The following GCC2 variants were observed in gnomAD, a reference collection of about 807,000 sequenced individuals.
GCC2 encodes the protein GRIP and coiled-coil domain containing 2.
In GCC2, 120 loss-of-function variants were observed where a neutral mutation model predicts 210.6. That is an observed-to-expected ratio of 0.57 (90% CI 0.49 to 0.66). The LOEUF is 0.66. Among genes scored for constraint, GCC2 ranks in the 30% least tolerant of loss-of-function variants. The probability of loss-of-function intolerance (pLI) is 0.00; values close to 1 mark genes in which losing one functional copy is unlikely to be tolerated. For missense variants in GCC2, 1,868 were observed against 1,871.9 expected, an observed-to-expected ratio of 1.00 and a Z score of 0.04; for synonymous variants, 703 against 652.7, an observed-to-expected ratio of 1.08 and a Z score of -1.17.
rs746930580 is a variant in GCC2 at position 108,469,669 on chromosome 2, G to A, written c.340G>A (p.Gly114Arg). 4.4e-6 allele frequency: 7 copies of A among 1,586,696 alleles called. No homozygotes were observed. Among genetic ancestry groups the A allele is most frequent in the Non-Finnish European group, 6.0e-6 (7 of 1,169,726 alleles). The change falls in exon 6 of 23, where the codon GGA becomes AGA. Residue 114 changes from glycine to arginine, a missense_variant. Physicochemically the swap from Gly to Arg is moderately radical, Grantham distance 125 (BLOSUM62 -2). Around this residue, in one of 3 missense-constraint regions of GCC2, gnomAD observed 1,847 missense variants for 1,765.2 expected, o/e 1.05. Transcript: ENST00000309863. Reference sequence around the variant, plus strand: ...GTAATAGGATTCTGTAACAAAGATGGGAGATGCACATAAGGAGTTGGAACA... The same window carrying A: ...GTAATAGGATTCTGTAACAAAGATGAGAGATGCACATAAGGAGTTGGAACA... ...QEVEDSVTKMGDAHKELEQSH... is the reference protein window; with the variant it reads ...QEVEDSVTKMRDAHKELEQSH...
At chr2:108,451,376 T>C (rs1160585241) in intron 3 of GCC2, among the ~76,000 whole-genome samples, 2 of 152,232 alleles carry the variant, frequency 1.3e-5, no homozygotes, top group African/African-American at 4.8e-5. Flanking sequence ...TAAGTGTGTT[T>C]TTCCTTCATG....
At chr2:108,489,481 C>T (rs1299350974) in intron 17 of GCC2, among the ~76,000 whole-genome samples, 1 of 151,596 alleles carries the variant, frequency 6.6e-6, no homozygotes, top group Non-Finnish European at 1.5e-5. Context: ...CGCCACTGCA[C>T]TCCAGCCTGG....
Position 108,470,678 on chromosome 2 carries a change from AAG to A in GCC2, c.1351_1352del (p.Glu451LysfsTer7). 6.2e-7 allele frequency: 1 copy of A among 1,610,632 alleles called. No homozygotes were observed. Among genetic ancestry groups the A allele is most frequent in the Non-Finnish European group, 8.5e-7 (1 of 1,178,492 alleles). On this transcript the variant is annotated frameshift_variant, in exon 6 of 23. Coordinates refer to ENST00000309863, the MANE Select transcript of GCC2 (RefSeq NM_181453.4). LOFTEE classifies it high-confidence loss of function. ...GAGACATTTTTGTCAGATTCAGAAA[AAG>A]AAAAATTAACATTAATGTTTGAAAT...
rs2104451130 is a variant in GCC2 at position 108,471,140 on chromosome 2, A to C, written c.1811A>C (p.Lys604Thr). Residue 604 changes from lysine to threonine, a missense_variant, in exon 6 of 23, where the codon AAA (lysine) becomes ACA (threonine). Physicochemically the swap from Lys to Thr is moderately conservative, Grantham distance 78. Transcript: ENST00000309863. ...EEKDDFINKL[K>T]NSHEEMDNFH... is the part of the protein sequence containing the mutation. ...AAAGATGATTTTATAAATAAACTGA[A>C]AAATTCCCATGAAGAAATGGATAAT... is the stretch of plus-strand genomic sequence containing the variant. 6.3e-7 allele frequency: 1 copy of C among 1,589,508 alleles called. No individual in the cohort carries two copies. The highest frequency in any genetic ancestry group is 2.2e-5 in the East Asian group (1 of 44,708).
Position 108,470,785 on chromosome 2 carries a change from AT to A in GCC2, c.1458del (p.Met487TrpfsTer15). On this transcript the variant is annotated frameshift_variant, in exon 6 of 23. Transcript: ENST00000309863. LOFTEE classifies it high-confidence loss of function. ...AILNYESLRE[I>X]MEILQTELGE... ...TTTAAATTATGAGAGTTTACGAGAGATTATGGAAATTTTACAAACAGAACTG... is the reference window on the plus strand; with the variant it reads ...TTTAAATTATGAGAGTTTACGAGAGATATGGAAATTTTACAAACAGAACTG... 6.2e-7 allele frequency: 1 copy of A among 1,613,824 alleles called. No individual in the cohort carries two copies. Among genetic ancestry groups the A allele is most frequent in the Non-Finnish European group, 8.5e-7 (1 of 1,179,866 alleles).
rs540050025 is a variant in GCC2, at chr2:108,503,452, T to TCTAA, written c.4984+3699_4984+3702dup. ...AAAAGAAAATTTCCTAGGTAAAAGG[T>TCTAA]CTAAGATGCAAGAAAGAAAGACATG... On this transcript the variant is annotated intron_variant, in intron 22 of 22. Coordinates refer to ENST00000309863, the MANE Select transcript of GCC2 (RefSeq NM_181453.4). Among the ~76,000 whole-genome samples, 3 of 152,248 alleles carry TCTAA rather than the reference T, an allele frequency of 2.0e-5. No homozygotes were observed. In the South Asian group the frequency reaches 6.2e-4, roughly 32 times the overall value.
chr2:108,481,504 C>G (rs1254640877), intron 9 of GCC2, among the ~76,000 whole-genome samples, 193 bp from the exon 10 acceptor site: 12 of 152,022 alleles, frequency 7.9e-5, no homozygotes, highest in Admixed American at 2.0e-4. Context: ...ATATTTCCCC[C>G]ACTCTCCAAT....
intron 12 of GCC2, among the ~76,000 whole-genome samples, chr2:108,483,882 G>A (rs537575859): frequency 3.3e-5 from 5 of 152,300 alleles, no homozygotes; most frequent in Non-Finnish European, 2.9e-5. Flanking sequence ...AGCTCCGCAA[G>A]CTACAGCTGC....
intron 22 of GCC2, among the ~76,000 whole-genome samples, chr2:108,505,694 G>A (rs1160341077): frequency 2.6e-5 from 4 of 151,810 alleles, no homozygotes; most frequent in Middle Eastern, 3.4e-3. Flanking sequence ...CTCCAGTCCA[G>A]CCTTCAGATG....
chr2:108,473,046 C>T (rs2104456482), intron 7 of GCC2, 147 bp downstream of exon 7: 2 of 512,226 alleles, frequency 3.9e-6, no homozygotes, highest in East Asian at 3.4e-5. Flanking sequence ...ATTCTTGCCC[C>T]TCTAACACCT....
chr2:108,503,680 A>T (rs1211936179), intron 22 of GCC2, among the ~76,000 whole-genome samples: 1 of 152,192 alleles, frequency 6.6e-6, no homozygotes, highest in Non-Finnish European at 1.5e-5. Context: ...TGCCTCTCTC[A>T]TCTCCTTGGA....
At chr2:108,507,409 C>CCT (rs1683247086) in intron 22 of GCC2, 151 bp from the exon 23 acceptor site, 1 of 359,458 alleles carries the variant, frequency 2.8e-6, no homozygotes, top group Admixed American at 4.6e-5. Flanking sequence ...AAAAGAACCC[C>CCT]CCCCCCCAAA....
intron 4 of GCC2, among the ~76,000 whole-genome samples, chr2:108,467,197 T>C (rs1680944316): frequency 6.6e-6 from 1 of 152,198 alleles, no homozygotes. Flanking sequence ...TCTGTAGTTT[T>C]ATAATTTCCC....
chr2:108,476,437 T>A (rs192729140), intron 9 of GCC2, among the ~76,000 whole-genome samples: 2 of 152,302 alleles, frequency 1.3e-5, no homozygotes, highest in Admixed American at 6.5e-5. Flanking sequence ...AACAAAAAGA[T>A]AACCTATTCC....
intron 16 of GCC2, among the ~76,000 whole-genome samples, chr2:108,487,085 T>C (rs902420823): frequency 1.3e-5 from 2 of 152,182 alleles, no homozygotes; most frequent in Non-Finnish European, 2.9e-5. Flanking sequence ...AACACTGTTG[T>C]GGGAGTTTAC....
chr2:108,465,405 A>C (rs1174545067), intron 4 of GCC2, among the ~76,000 whole-genome samples: 1 of 152,070 alleles, frequency 6.6e-6, no homozygotes, highest in Non-Finnish European at 1.5e-5. Context: ...TGTTACATGG[A>C]TGAATTATAT....
chr2:108,469,706 A>G lies in GCC2; in HGVS notation c.377A>G (p.Asn126Ser), dbSNP rs761016613. 15 of 1,609,352 alleles carry G rather than the reference A, an allele frequency of 9.3e-6. No homozygotes were observed. Among genetic ancestry groups the G allele is most frequent in the Non-Finnish European group, 1.3e-5 (15 of 1,176,242 alleles). Reference protein sequence around the residue: ...AHKELEQSHINYVKEIENLKN... With the variant: ...AHKELEQSHISYVKEIENLKN... Reference sequence around the variant, plus strand: ...AAGGAGTTGGAACAATCACATATAAACTATGTGAAAGAAATTGAAAATTTG... The same window carrying G: ...AAGGAGTTGGAACAATCACATATAAGCTATGTGAAAGAAATTGAAAATTTG... Residue 126 changes from asparagine to serine, a missense_variant, in exon 6 of 23, where the codon AAC (asparagine) becomes AGC (serine). Around this residue, in one of 3 missense-constraint regions of GCC2, gnomAD observed 1,847 missense variants for 1,765.2 expected, o/e 1.05. Coordinates refer to ENST00000309863, the MANE Select transcript of GCC2 (RefSeq NM_181453.4).
At chr2:108,492,941 AAGAT>A in intron 19 of GCC2, 151 bp downstream of exon 19, 1 of 654,672 alleles carries the variant, frequency 1.5e-6, no homozygotes. Context: ...GCTTACTAGA[AAGAT>A]AATTGAACCA....
intron 4 of GCC2, among the ~76,000 whole-genome samples, chr2:108,466,041 T>G (rs1336396004): frequency 6.6e-6 from 1 of 152,202 alleles, no homozygotes; most frequent in East Asian, 1.9e-4. Context: ...ATGATTATGA[T>G]GTTGAGCATT....
Sources: allele counts gnomAD v4.1 joint callset (sites outside exome capture counted in the v4.1 genomes callset), GRCh38; gene constraint gnomAD v4.1.1; regional missense constraint gnomAD v4.1.1; transcripts MANE v1.5; gene names NCBI Gene and HGNC (gene_info 2026-07-23, HGNC 2026-07-21).